Variants in ATP13A3 observed in about 807,000 individuals in gnomAD.
ATP13A3 encodes the protein ATPase 13A3, also known as polyamine-transporting ATPase 13A3.
In ATP13A3, 59 loss-of-function variants were observed where a neutral mutation model predicts 158.1. The observed-to-expected ratio is 0.37, with a 90% confidence interval of 0.30 to 0.46. The LOEUF (loss-of-function observed/expected upper bound fraction) is 0.46, where lower values mean the gene tolerates loss of function less well. Ranked by LOEUF, ATP13A3 falls within the 20% of genes least tolerant of loss-of-function variation. The pLI is 1.00. For synonymous variants in ATP13A3, 491 were observed against 504.3 expected (o/e 0.97, Z 0.35); for missense variants, 1,166 against 1,525.2 (o/e 0.76, Z 3.92).
chr3:194,488,000 G>C (rs1034310296), upstream of ATP13A3: 1 of 152,442 alleles, frequency 6.6e-6, no homozygotes, highest in African/African-American at 2.4e-5. Context: ...TCTCACCAGG[G>C]GCAGCACACC....
intron 16 of ATP13A3, among the ~76,000 whole-genome samples, chr3:194,440,474 C>T (rs1412878289): frequency 6.6e-6 from 1 of 152,166 alleles, no homozygotes; most frequent in Admixed American, 6.5e-5. Context: ...GAACCCCTGT[C>T]GATAAGACCC....
chr3:194,444,136 C>A (rs1418458193), intron 15 of ATP13A3, among the ~76,000 whole-genome samples: 1 of 152,168 alleles, frequency 6.6e-6, no homozygotes, highest in Non-Finnish European at 1.5e-5. Flanking sequence ...TGAAGCCGTG[C>A]CCATGCTACG....
At chr3:194,468,250 T>C (rs960792881) in intron 2 of ATP13A3, 46 of 152,138 alleles carry the variant, frequency 3.0e-4, no homozygotes, top group African/African-American at 1.1e-3. Flanking sequence ...TCCTAGCTAG[T>C]TAGCTCACCG....
chr3:194,457,469 A>G (rs1577075964), intron 6 of ATP13A3, among the ~76,000 whole-genome samples: 1 of 152,334 alleles, frequency 6.6e-6, no homozygotes, highest in East Asian at 1.9e-4. Flanking sequence ...TATCCTTAAG[A>G]CTGTGCCAAA....
At position 194,494,324 on chromosome 3, in the gene ATP13A3, G is replaced by A. The variant is rs1320186244; in HGVS notation, n.516-44C>T. 1 of 398,288 alleles carries A rather than the reference G, an allele frequency of 2.5e-6. No individual in the cohort carries two copies. Among genetic ancestry groups the A allele is most frequent in the Non-Finnish European group, 4.4e-6 (1 of 225,928 alleles). 24.7% of individuals were successfully genotyped at this position (398,288 alleles called of 1,614,324 possible). Reference sequence around the variant, plus strand: ...AGTTAACATTGATTTTCACAACCACGATGTCAGACTAGCAATGGAATTGTT... The same window carrying A: ...AGTTAACATTGATTTTCACAACCACAATGTCAGACTAGCAATGGAATTGTT... On this transcript the variant is annotated intron_variant and non_coding_transcript_variant, in intron 1 of 32. Coordinates refer to the ATP13A3 transcript ENST00000687055. This position sits in a 1 kb window ranked among gnomAD's most constrained non-coding sequence, Gnocchi z 4.2.
intron 6 of ATP13A3, chr3:194,459,036 G>C (rs894193898): frequency 1.9e-5 from 3 of 156,994 alleles, no homozygotes; most frequent in African/African-American, 7.2e-5. Context: ...AATTACTACA[G>C]CTTGCCCCAT....
At chr3:194,417,396 G>GACACTGAC (rs151283480) in intron 31 of ATP13A3, among the ~76,000 whole-genome samples, 1 of 118,054 alleles carries the variant, frequency 8.5e-6, no homozygotes, top group Non-Finnish European at 1.7e-5. Context: ...GCCAGATTCT[G>GACACTGAC]ACACACACAC....
intron 15 of ATP13A3, 73 bp from the exon 16 acceptor site, chr3:194,441,534 G>T: frequency 1.5e-6 from 2 of 1,357,686 alleles, no homozygotes; most frequent in South Asian, 1.4e-5. Flanking sequence ...GGGCTTTTCT[G>T]GTTTTGTAAT....
chr3:194,428,175 C>T (rs528935982), intron 28 of ATP13A3, among the ~76,000 whole-genome samples: 50 of 145,420 alleles, frequency 3.4e-4, no homozygotes, highest in African/African-American at 1.2e-3. Flanking sequence ...GAGCTGAGAT[C>T]GTGCCACTGC....
chr3:194,473,978 G>A lies in ATP13A3; in HGVS notation c.-46-11742C>T, dbSNP rs575855353. Reference sequence around the variant, plus strand: ...TAAAAGACCAAACAGAAAGGTGTAAGATACACACCAAACTGTTAACATCAT... The same window carrying A: ...TAAAAGACCAAACAGAAAGGTGTAAAATACACACCAAACTGTTAACATCAT... On this transcript the variant is annotated intron_variant, in intron 2 of 33. Transcript: ENST00000645319. Among the ~76,000 whole-genome samples, 58 of 152,244 alleles carry A rather than the reference G, an allele frequency of 3.8e-4. 2 individuals are homozygous for A. The South Asian group carries it at 9.3e-3, about 24-fold the overall frequency.
chr3:194,463,610 T>C (rs1310713538), intron 2 of ATP13A3, among the ~76,000 whole-genome samples: 1 of 152,142 alleles, frequency 6.6e-6, no homozygotes, highest in Non-Finnish European at 1.5e-5. Context: ...AGTAGGACTA[T>C]TACTGCCTTC....
intron 2 of ATP13A3, among the ~76,000 whole-genome samples, chr3:194,473,014 G>T (rs923410567): frequency 2.0e-5 from 3 of 152,032 alleles, no homozygotes; most frequent in African/African-American, 7.2e-5. Flanking sequence ...GAAGGAAGGG[G>T]TGGGGCAAGG....
chr3:194,452,316 C>A (rs1301471058), intron 10 of ATP13A3: 1 of 152,242 alleles, frequency 6.6e-6, no homozygotes, highest in Non-Finnish European at 1.5e-5. Context: ...CATGGTAACA[C>A]CCTGTTTCTA....
intron 2 of ATP13A3, chr3:194,467,944 T>C (rs191412554): frequency 6.6e-6 from 1 of 152,174 alleles, no homozygotes; most frequent in Non-Finnish European, 1.5e-5. Flanking sequence ...AAATTCGATA[T>C]CAGAGAAAAC....
intron 27 of ATP13A3, among the ~76,000 whole-genome samples, 198 bp from the exon 28 acceptor site, chr3:194,429,115 A>G (rs1208484434): frequency 6.6e-6 from 1 of 152,172 alleles, no homozygotes; most frequent in Admixed American, 6.5e-5. Flanking sequence ...GTATATTAGT[A>G]TAAAAGGCAT....
intron 2 of ATP13A3, among the ~76,000 whole-genome samples, chr3:194,471,376 C>G (rs988792035): frequency 1.4e-5 from 2 of 144,806 alleles, no homozygotes; most frequent in African/African-American, 5.1e-5. Context: ...AAATTTGAGA[C>G]AGCATCTTGC....
chr3:194,441,084 G>A (rs1310509458), intron 16 of ATP13A3, among the ~76,000 whole-genome samples: 1 of 152,150 alleles, frequency 6.6e-6, no homozygotes. Flanking sequence ...GCCTGAGCTG[G>A]TCAGCCTCTA....
At chr3:194,457,785 C>CTTTT (rs147162535) in intron 6 of ATP13A3, among the ~76,000 whole-genome samples, 3 of 127,900 alleles carry the variant, frequency 2.3e-5, no homozygotes, top group South Asian at 2.4e-4. Context: ...CTTAATTATG[C>CTTTT]TTTTTTTTTT....
chr3:194,486,991 G>C lies in ATP13A3; in HGVS notation c.-514C>G, dbSNP rs934030907. ...GGCAGGCAGGCGGGGGAGCGCGCGC[G>C]GGCTCAGGACTCCCGCGCCGGATGT... On this transcript the variant is annotated 5_prime_UTR_variant, in exon 1 of 34. Coordinates refer to ENST00000645319, the MANE Select transcript of ATP13A3 (RefSeq NM_001367549.1). 6.6e-6 allele frequency: 1 copy of C among 151,982 alleles called. No homozygotes were observed. 9.4% of individuals were successfully genotyped at this position (151,982 alleles called of 1,614,324 possible).
Sources: gnomAD v4.1 joint callset for allele counts (sites outside exome capture counted in the v4.1 genomes callset) on GRCh38, gnomAD v4.1.1 for gene constraint, Gnocchi (gnomAD v3.1) non-coding constraint, MANE v1.5 for transcripts, NCBI Gene and HGNC (gene_info 2026-07-23, HGNC 2026-07-21) for gene names.